Variants in ANK2 observed in about 807,000 individuals in gnomAD.
The protein encoded by ANK2 is ankyrin-2.
A neutral mutation model predicts 360.5 loss-of-function variants in ANK2; 83 were observed. That is an observed-to-expected ratio of 0.23 (90% CI 0.19 to 0.28). The LOEUF (loss-of-function observed/expected upper bound fraction) is 0.28. Ranked by LOEUF, ANK2 falls within the 10% of genes least tolerant of loss-of-function variation. ANK2 has a pLI of 1.00. For synonymous variants in ANK2, 1,740 were observed against 1,759.5 expected (o/e 0.99, Z 0.28); for missense variants, 4,201 against 4,795.7 (o/e 0.88, Z 3.66).
chr4:113,120,053 C>T (rs2095246175), intron 1 of ANK2, among the ~76,000 whole-genome samples: 1 of 152,098 alleles, frequency 6.6e-6, no homozygotes, highest in South Asian at 2.1e-4. Flanking sequence ...CTTTCAACCT[C>T]ATTATAAGCA....
intron 1 of ANK2, among the ~76,000 whole-genome samples, chr4:112,871,911 A>G (rs116443989): frequency 0.011 from 1,742 of 152,192 alleles, 32 homozygotes; most frequent in African/African-American, 0.04. Context: ...TGATTTCTGT[A>G]TATAAACTGA....
chr4:113,048,074 C>T (rs545273660), upstream of ANK2, among the ~76,000 whole-genome samples: 3 of 151,656 alleles, frequency 2.0e-5, no homozygotes, highest in Non-Finnish European at 2.9e-5. Context: ...CTTCCAATTT[C>T]AAAGTGCATT....
chr4:112,731,909 G>C, the ANK2 span, among the ~76,000 whole-genome samples: 42 of 152,268 alleles, frequency 2.8e-4, 1 homozygote, highest in African/African-American at 1.0e-3. Flanking sequence ...TCAAGCCTTA[G>C]GTTCTCAAGT....
intron 1 of ANK2, among the ~76,000 whole-genome samples, chr4:113,095,685 T>TATA (rs1338130341): frequency 6.6e-6 from 1 of 152,034 alleles, no homozygotes; most frequent in East Asian, 1.9e-4. Context: ...TGTTTATAAG[T>TATA]ATAATAATAA....
At chr4:112,954,370 G>A (rs1227890796) in intron 2 of ANK2, among the ~76,000 whole-genome samples, 4 of 152,110 alleles carry the variant, frequency 2.6e-5, no homozygotes, top group Non-Finnish European at 5.9e-5. Flanking sequence ...ACCAAGGCAA[G>A]ATGTTATTTG....
At chr4:113,195,203 A>G (rs535296940) in intron 2 of ANK2, among the ~76,000 whole-genome samples, 1 of 152,274 alleles carries the variant, frequency 6.6e-6, no homozygotes, top group East Asian at 1.9e-4. Flanking sequence ...TGACTCTAGC[A>G]TCATAATAAG....
chr4:112,875,408 G>T (rs944441808), intron 1 of ANK2, among the ~76,000 whole-genome samples: 9 of 151,862 alleles, frequency 5.9e-5, no homozygotes, highest in African/African-American at 2.2e-4. Context: ...TGAACTCCTG[G>T]TTCAAGTGAT....
At chr4:112,931,007 T>C (rs2154237040) in intron 2 of ANK2, among the ~76,000 whole-genome samples, 1 of 152,186 alleles carries the variant, frequency 6.6e-6, no homozygotes, top group Middle Eastern at 3.4e-3. Flanking sequence ...TAGACAGGCA[T>C]TGAGAAGAAC....
intron 1 of ANK2, among the ~76,000 whole-genome samples, chr4:113,140,858 G>A (rs1170477114): frequency 6.6e-6 from 1 of 151,954 alleles, no homozygotes; most frequent in Non-Finnish European, 1.5e-5. Context: ...CACGCCTGCA[G>A]TCCTTGCTAC....
At chr4:112,720,702 T>C in the ANK2 span, among the ~76,000 whole-genome samples, 1 of 152,364 alleles carries the variant, frequency 6.6e-6, no homozygotes, top group Non-Finnish European at 1.5e-5. Context: ...CTTACATGTG[T>C]GGACTAGATA....
chr4:113,107,827 T>C (rs533952863), intron 1 of ANK2, among the ~76,000 whole-genome samples: 1 of 152,306 alleles, frequency 6.6e-6, no homozygotes, highest in East Asian at 1.9e-4. Context: ...GAAATGAGAT[T>C]GAAGCCCATA....
chr4:112,791,901 A>T, the ANK2 span, among the ~76,000 whole-genome samples: 1 of 152,136 alleles, frequency 6.6e-6, no homozygotes, highest in Non-Finnish European at 1.5e-5. Context: ...AAATAAAGGG[A>T]ATATATGTAT....
the ANK2 span, among the ~76,000 whole-genome samples, chr4:112,809,745 G>T: frequency 6.7e-6 from 1 of 149,068 alleles, no homozygotes; most frequent in East Asian, 2.0e-4. Context: ...GAGGTGGGAG[G>T]ATCACCTGAG....
At chr4:112,780,664 A>G in the ANK2 span, among the ~76,000 whole-genome samples, 422 of 152,272 alleles carry the variant, frequency 2.8e-3, 4 homozygotes, top group Non-Finnish European at 3.6e-3. Context: ...CTCAGTTCCA[A>G]ATGGCTGGGG....
chr4:113,083,949 T>C (rs935483715), intron 1 of ANK2, among the ~76,000 whole-genome samples: 19 of 152,218 alleles, frequency 1.2e-4, no homozygotes, highest in African/African-American at 4.6e-4. Flanking sequence ...TTAAATTTTG[T>C]TCACATAAAA....
the ANK2 span, among the ~76,000 whole-genome samples, chr4:112,739,472 G>A: frequency 3.9e-4 from 60 of 152,162 alleles, no homozygotes; most frequent in Middle Eastern, 3.4e-3. Flanking sequence ...AAATTAGCCC[G>A]GCGTGGTGGC....
At chr4:113,113,376 G>T (rs1459520288) in intron 1 of ANK2, among the ~76,000 whole-genome samples, 1 of 152,162 alleles carries the variant, frequency 6.6e-6, no homozygotes, top group African/African-American at 2.4e-5. Context: ...TAGCTCAGTT[G>T]TTATTAAACG....
rs553475509 is a variant in ANK2, at chr4:113,302,410, T to C, written c.2476-357T>C. Among the ~76,000 whole-genome samples the C allele has an allele frequency of 1.7e-4, 26 of 152,362 alleles. No homozygotes were observed. In the South Asian group the frequency reaches 5.2e-3, roughly 30 times the overall value. On this transcript the variant is annotated intron_variant, in intron 22 of 45. Transcript: ENST00000357077. Reference sequence around the variant, plus strand: ...ATGTTCATTGTTTCTTTTTAAAGCTTTTCTGGAAACGTCACTTAGTTCATT... The same window carrying C: ...ATGTTCATTGTTTCTTTTTAAAGCTCTTCTGGAAACGTCACTTAGTTCATT...
chr4:112,750,536 T>G, the ANK2 span, among the ~76,000 whole-genome samples: 2 of 152,078 alleles, frequency 1.3e-5, no homozygotes, highest in Non-Finnish European at 2.9e-5. Flanking sequence ...TATACTGTTA[T>G]GGGAAAGGGG....
Sources: gnomAD v4.1 joint callset for allele counts (sites outside exome capture counted in the v4.1 genomes callset) on GRCh38, gnomAD v4.1.1 for gene constraint, MANE v1.5 for transcripts, NCBI Gene and HGNC (gene_info 2026-07-23, HGNC 2026-07-21) for gene names.